Variants in CPA6 observed in about 807,000 individuals in gnomAD.
CPA6 encodes carboxypeptidase B.
In CPA6, 58 loss-of-function variants were observed where a neutral mutation model predicts 63.3. That is an observed-to-expected ratio of 0.92 (90% CI 0.74 to 1.14). The LOEUF (loss-of-function observed/expected upper bound fraction) is 1.14, where lower values mean the gene tolerates loss of function less well. Ranked by LOEUF, CPA6 falls within the 50% of genes most tolerant of loss-of-function variation. The probability of loss-of-function intolerance (pLI) is 0.00; values close to 1 mark genes in which losing one functional copy is unlikely to be tolerated. For missense variants in CPA6, 565 were observed against 526.6 expected, an observed-to-expected ratio of 1.07 and a Z score of -0.71; for synonymous variants, 185 against 179.0, an observed-to-expected ratio of 1.03 and a Z score of -0.27.
chr8:67,598,940 A>G (rs1430381470), intron 2 of CPA6, among the ~76,000 whole-genome samples: 1 of 152,104 alleles, frequency 6.6e-6, no homozygotes, highest in Non-Finnish European at 1.5e-5. Context: ...AAAATATTAT[A>G]TAGTATTTAA....
intron 8 of CPA6, among the ~76,000 whole-genome samples, chr8:67,480,248 A>G (rs1811329903): frequency 6.6e-6 from 1 of 152,140 alleles, no homozygotes; most frequent in South Asian, 2.1e-4. Flanking sequence ...AAAATGTACA[A>G]TTCAATGGCT....
intron 1 of CPA6, among the ~76,000 whole-genome samples, chr8:67,741,241 A>AT (rs1368945171): frequency 5.3e-5 from 8 of 152,198 alleles, no homozygotes; most frequent in Admixed American, 5.2e-4. Context: ...TAATACGAGC[A>AT]TATTACTTGG....
intron 8 of CPA6, among the ~76,000 whole-genome samples, chr8:67,441,704 A>G (rs1316070189): frequency 1.3e-5 from 2 of 152,192 alleles, no homozygotes; most frequent in African/African-American, 4.8e-5. Context: ...CTAGTACATA[A>G]TATGGAGAAA....
At chr8:67,526,620 G>A (rs2128968140) in intron 2 of CPA6, among the ~76,000 whole-genome samples, 1 of 152,240 alleles carries the variant, frequency 6.6e-6, no homozygotes, top group East Asian at 1.9e-4. Flanking sequence ...GACAGTTAAT[G>A]GTATCACAGA....
chr8:67,476,304 A>G (rs879427964), intron 8 of CPA6, among the ~76,000 whole-genome samples: 5 of 152,016 alleles, frequency 3.3e-5, no homozygotes, highest in Non-Finnish European at 7.4e-5. Flanking sequence ...TGCCCGCCCC[A>G]AAGTAGGACA....
intron 9 of CPA6, among the ~76,000 whole-genome samples, chr8:67,430,171 G>GTGTGTGTGTGTA (rs1225024769): frequency 1.9e-5 from 2 of 104,854 alleles, no homozygotes; most frequent in African/African-American, 8.1e-5. Context: ...GTGTGTGTGT[G>GTGTGTGTGTGTA]TATATATTTT....
intron 1 of CPA6, among the ~76,000 whole-genome samples, chr8:67,658,367 A>G (rs965761945): frequency 3.3e-5 from 5 of 152,186 alleles, no homozygotes; most frequent in Non-Finnish European, 1.5e-5. Context: ...AGAACCTTCA[A>G]TGGTACATAA....
At chr8:67,521,043 G>A (rs986390654) in intron 2 of CPA6, among the ~76,000 whole-genome samples, 2 of 152,236 alleles carry the variant, frequency 1.3e-5, no homozygotes, top group African/African-American at 4.8e-5. Context: ...GAGATAATTA[G>A]TAGTTCTGAA....
At chr8:67,429,212 G>A (rs1809964671) in intron 9 of CPA6, among the ~76,000 whole-genome samples, 1 of 152,080 alleles carries the variant, frequency 6.6e-6, no homozygotes, top group Non-Finnish European at 1.5e-5. Context: ...CAAAAATTAG[G>A]AAAAATATTC....
rs1393262110 is a variant in CPA6, at chr8:67,422,433, A to G, written c.*71T>C. The G allele has an allele frequency of 3.6e-6, 5 of 1,373,306 alleles. No individual in the cohort carries two copies. Among genetic ancestry groups the G allele is most frequent in the African/African-American group, 2.9e-5 (2 of 69,090 alleles). The allele number at this position is 1,373,306 out of a possible 1,614,324, so 85.1% of individuals were successfully genotyped here. On this transcript the variant is annotated 3_prime_UTR_variant, in exon 11 of 11. Coordinates refer to ENST00000297770, the MANE Select transcript of CPA6 (RefSeq NM_020361.5). ...TAAGCAGCTGCCCTTCTCTTTGAAA[A>G]CAATTTCTATCCAGGGCCAAGTAGG...
intron 8 of CPA6, among the ~76,000 whole-genome samples, chr8:67,434,817 A>G (rs953814704): frequency 6.6e-6 from 1 of 152,186 alleles, no homozygotes; most frequent in Non-Finnish European, 1.5e-5. Context: ...CAAAGGAGGG[A>G]CCGCTGACAA....
intron 6 of CPA6, among the ~76,000 whole-genome samples, chr8:67,486,388 G>T (rs1811477412): frequency 6.6e-6 from 1 of 152,214 alleles, no homozygotes; most frequent in African/African-American, 2.4e-5. Context: ...AGGGAAAATG[G>T]CTGAAATTCA....
At chr8:67,500,035 C>A (rs993702370) in intron 6 of CPA6, among the ~76,000 whole-genome samples, 1 of 152,124 alleles carries the variant, frequency 6.6e-6, no homozygotes, top group African/African-American at 2.4e-5. Context: ...CTGGGTCATA[C>A]AGTAGTTCCA....
intron 1 of CPA6, among the ~76,000 whole-genome samples, chr8:67,654,103 T>C (rs1312368561): frequency 6.6e-6 from 1 of 152,184 alleles, no homozygotes; most frequent in Non-Finnish European, 1.5e-5. Flanking sequence ...CACTTGATCA[T>C]GGTGGATAAG....
chr8:67,672,681 A>T (rs2128994585), intron 1 of CPA6, among the ~76,000 whole-genome samples: 1 of 152,344 alleles, frequency 6.6e-6, no homozygotes. Flanking sequence ...CATTTTGAAA[A>T]CAGTATAATT....
At chr8:67,626,020 T>C (rs959810463) in intron 1 of CPA6, among the ~76,000 whole-genome samples, 8 of 152,178 alleles carry the variant, frequency 5.3e-5, no homozygotes, top group East Asian at 1.9e-4. Context: ...TAAAAGTGTA[T>C]GTCACCTCCT....
intron 1 of CPA6, among the ~76,000 whole-genome samples, chr8:67,629,238 A>G (rs947423710): frequency 1.5e-4 from 23 of 152,106 alleles, no homozygotes; most frequent in African/African-American, 5.1e-4. Context: ...AGGCTGAGGT[A>G]GGAGAATAGC....
chr8:67,537,367 T>C (rs1812606313), intron 2 of CPA6, among the ~76,000 whole-genome samples: 1 of 152,214 alleles, frequency 6.6e-6, no homozygotes, highest in Non-Finnish European at 1.5e-5. Flanking sequence ...TGCCTCAATT[T>C]CAGAACTTGT....
At position 67,612,682 on chromosome 8, in the gene CPA6, C is replaced by T. The variant is rs564276706; in HGVS notation, c.192+11494G>A. On this transcript the variant is annotated intron_variant, in intron 2 of 10. Transcript: ENST00000297770. ...TTAATCATTCCACATTTATACAACT[C>T]GGAAAACAAAATGGTAGAAAACAGG... 3.0e-4 allele frequency among the ~76,000 whole-genome samples: 45 copies of T among 152,256 alleles called. 1 individual carries two copies. The highest frequency in any genetic ancestry group is 2.7e-3 in the South Asian group (13 of 4,824).
Sources: allele counts gnomAD v4.1 joint callset (sites outside exome capture counted in the v4.1 genomes callset), GRCh38; gene constraint gnomAD v4.1.1; transcripts MANE v1.5; gene names NCBI Gene and HGNC (gene_info 2026-07-23, HGNC 2026-07-21).